Variants in GAN observed in about 807,000 individuals in gnomAD.
GAN encodes gigaxonin.
A neutral mutation model predicts 71.3 loss-of-function variants in GAN; 48 were observed. The observed-to-expected ratio is 0.67, with a 90% CI of 0.53 to 0.86. GAN has a LOEUF of 0.86. Ranked by LOEUF, GAN falls within the 40% of genes least tolerant of loss-of-function variation. The probability of loss-of-function intolerance (pLI) is 0.00; values close to 1 mark genes in which losing one functional copy is unlikely to be tolerated. For missense variants in GAN, 928 were observed against 770.1 expected, an observed-to-expected ratio of 1.21 and a Z score of -2.43; for synonymous variants, 386 against 276.8, an observed-to-expected ratio of 1.39 and a Z score of -3.92.
intron 9 of GAN, among the ~76,000 whole-genome samples, chr16:81,368,118 C>T (rs1202140656): frequency 1.3e-5 from 2 of 152,156 alleles, no homozygotes; most frequent in African/African-American, 4.8e-5. Context: ...AAAGCCATAT[C>T]TTATTCTTTT....
intron 1 of GAN, among the ~76,000 whole-genome samples, chr16:81,341,538 C>A (rs1054979850): frequency 3.9e-5 from 6 of 152,158 alleles, no homozygotes; most frequent in African/African-American, 1.4e-4. Flanking sequence ...AACTAAGCTT[C>A]ATAAGTGAAG....
chr16:81,366,761 C>G (rs1015008362), intron 9 of GAN, among the ~76,000 whole-genome samples: 1 of 152,068 alleles, frequency 6.6e-6, no homozygotes. Context: ...TCAGACTTCT[C>G]TACATTTTTC....
intron 9 of GAN, among the ~76,000 whole-genome samples, chr16:81,366,188 C>G (rs1910851705): frequency 6.6e-6 from 1 of 152,176 alleles, no homozygotes; most frequent in Non-Finnish European, 1.5e-5. Context: ...AGACAAGTCT[C>G]TGGGGTTGTA....
intron 4 of GAN, among the ~76,000 whole-genome samples, chr16:81,357,286 G>C (rs1027355911): frequency 6.6e-6 from 1 of 152,138 alleles, no homozygotes. Context: ...TCCCCAGAGT[G>C]TGATGTTCCC....
intron 9 of GAN, 31 bp downstream of exon 9, chr16:81,365,509 C>G: frequency 6.2e-7 from 1 of 1,603,606 alleles, no homozygotes; most frequent in Non-Finnish European, 8.5e-7. Context: ...ATAGCTACTG[C>G]AACTTTTTCT....
intron 1 of GAN, among the ~76,000 whole-genome samples, chr16:81,338,496 T>A (rs1909839274): frequency 6.6e-6 from 1 of 151,960 alleles, no homozygotes; most frequent in African/African-American, 2.4e-5. Flanking sequence ...GTGGCAGAGA[T>A]AAAAACAAAG....
chr16:81,364,097 C>T (rs2150691077), intron 7 of GAN, among the ~76,000 whole-genome samples, 154 bp downstream of exon 7: 1 of 152,304 alleles, frequency 6.6e-6, no homozygotes, highest in East Asian at 1.9e-4. Flanking sequence ...CCTTCACTGT[C>T]ATCAGCCACA....
chr16:81,367,992 T>A (rs908054604), intron 9 of GAN, among the ~76,000 whole-genome samples: 1 of 152,260 alleles, frequency 6.6e-6, no homozygotes, highest in African/African-American at 2.4e-5. Flanking sequence ...GTGTGGAAAC[T>A]GTAGTTGCCG....
At chr16:81,354,118 G>T (rs973503268) in intron 2 of GAN, among the ~76,000 whole-genome samples, 14 of 152,230 alleles carry the variant, frequency 9.2e-5, no homozygotes, top group Middle Eastern at 3.4e-3. Flanking sequence ...AATTACAGAA[G>T]TGAACAACAT....
chr16:81,357,178 C>G (rs1459073468), intron 4 of GAN, among the ~76,000 whole-genome samples, 176 bp downstream of exon 4: 1 of 151,826 alleles, frequency 6.6e-6, no homozygotes, highest in African/African-American at 2.4e-5. Context: ...CATATGTATA[C>G]ATGTGCCATG....
chr16:81,340,663 A>G (rs1909911412), intron 1 of GAN, among the ~76,000 whole-genome samples: 1 of 152,046 alleles, frequency 6.6e-6, no homozygotes, highest in South Asian at 2.1e-4. Flanking sequence ...AGTAGATAAA[A>G]CCACAAAGAT....
chr16:81,337,782 A>C (rs1207877697), intron 1 of GAN, among the ~76,000 whole-genome samples: 1 of 152,214 alleles, frequency 6.6e-6, no homozygotes, highest in African/African-American at 2.4e-5. Flanking sequence ...TTCCTGCTCT[A>C]CTTTAATAGA....
intron 1 of GAN, among the ~76,000 whole-genome samples, chr16:81,321,080 A>G (rs990551066): frequency 3.3e-5 from 5 of 152,226 alleles, no homozygotes; most frequent in Admixed American, 6.5e-5. Context: ...AATTTAACAC[A>G]GATTACTCAT....
intron 1 of GAN, among the ~76,000 whole-genome samples, chr16:81,320,794 G>A (rs1909198311): frequency 1.3e-5 from 2 of 152,144 alleles, no homozygotes; most frequent in East Asian, 3.8e-4. Context: ...TCTCTTTTAA[G>A]GGATCTAGAC....
rs755911308 is a variant in GAN, at chr16:81,376,497, GTGTGTGTGTGTGTA to G, written c.1503-710_1503-697del. 5.6e-3 allele frequency among the ~76,000 whole-genome samples: 815 copies of G among 145,784 alleles called. 6 individuals are homozygous for G. Among genetic ancestry groups the G allele is most frequent in the African/African-American group, 0.019 (692 of 36,902 alleles). On this transcript the variant is annotated intron_variant, in intron 9 of 10. Coordinates refer to ENST00000648994, the MANE Select transcript of GAN (RefSeq NM_022041.4). ...TGTGTGTGTGTGTGTGTGTGTGTGT[GTGTGTGTGTGTGTA>G]TGTGTGTGTGTATACATATATGTGT...
At chr16:81,363,674 A>C in intron 6 of GAN, 120 bp from the exon 7 acceptor site, 2 of 936,664 alleles carry the variant, frequency 2.1e-6, no homozygotes, top group Non-Finnish European at 1.7e-6. Flanking sequence ...TTGCTCTAGG[A>C]GTCCCCATTG....
At position 81,377,702 on chromosome 16, in the gene GAN, G is replaced by A; in HGVS notation, c.*106G>A. 1 of 1,022,002 alleles carries A rather than the reference G, an allele frequency of 9.8e-7. No homozygotes were observed. Among genetic ancestry groups the A allele is most frequent in the Non-Finnish European group, 1.6e-6 (1 of 643,622 alleles). The allele number at this position is 1,022,002 out of a possible 1,614,324, so 63.3% of individuals were successfully genotyped here. A position where few individuals can be genotyped will look rare whatever the true frequency, so the allele number is the denominator to read the frequency against. ...TGAAACTCACTCTGTGCTGGGCTTT[G>A]GTATGGTAACTCTTTGGTGGTTTTA... On this transcript the variant is annotated 3_prime_UTR_variant, in exon 11 of 11. Coordinates refer to ENST00000648994, the MANE Select transcript of GAN (RefSeq NM_022041.4).
intron 1 of GAN, among the ~76,000 whole-genome samples, chr16:81,337,511 G>A (rs891262223): frequency 5.3e-5 from 8 of 152,302 alleles, no homozygotes; most frequent in South Asian, 2.1e-4. Flanking sequence ...CTTGGAAGAC[G>A]ATGACCAGGC....
chr16:81,338,999 T>C (rs542522386), intron 1 of GAN, among the ~76,000 whole-genome samples: 1 of 152,250 alleles, frequency 6.6e-6, no homozygotes, highest in Non-Finnish European at 1.5e-5. Context: ...AGAAACTCTT[T>C]TAGCAGTTTG....
Sources: allele counts gnomAD v4.1 joint callset (sites outside exome capture counted in the v4.1 genomes callset), GRCh38; gene constraint gnomAD v4.1.1; transcripts MANE v1.5; gene names NCBI Gene and HGNC (gene_info 2026-07-23, HGNC 2026-07-21).